Variants in SMURF1 observed in about 807,000 individuals in gnomAD.
The protein encoded by SMURF1 is SMAD specific E3 ubiquitin protein ligase 1, also known as E3 ubiquitin-protein ligase SMURF1.
In SMURF1, 44 loss-of-function variants were observed where a neutral mutation model predicts 98.0. That is an observed-to-expected ratio of 0.45 (90% CI 0.35 to 0.58). The LOEUF is 0.58. SMURF1 is among the 20% of genes least tolerant of loss of function. The probability of loss-of-function intolerance (pLI) is 0.00; values close to 1 mark genes in which losing one functional copy is unlikely to be tolerated. For missense variants in SMURF1, 687 were observed against 938.4 expected (o/e 0.73, Z 3.50); for synonymous variants, 396 against 374.9 (o/e 1.06, Z -0.65).
intron 14 of SMURF1, among the ~76,000 whole-genome samples, chr7:99,037,597 T>G (rs1019403749): frequency 6.6e-6 from 1 of 152,102 alleles, no homozygotes; most frequent in Admixed American, 6.5e-5. Context: ...AGCCCCCCAC[T>G]CCCCGGATCT....
At chr7:99,045,130 C>A (rs906942041) in intron 11 of SMURF1, among the ~76,000 whole-genome samples, 1 of 151,954 alleles carries the variant, frequency 6.6e-6, no homozygotes, top group Admixed American at 6.6e-5. Context: ...CAGAGCAAGA[C>A]CCCGTCTCAA....
chr7:99,095,680 C>T (rs1462571696), intron 1 of SMURF1, among the ~76,000 whole-genome samples: 1 of 152,152 alleles, frequency 6.6e-6, no homozygotes, highest in African/African-American at 2.4e-5. Flanking sequence ...GGACTAGGTA[C>T]TCGAAGTTAA....
chr7:99,101,175 G>A (rs1178952957), intron 1 of SMURF1, among the ~76,000 whole-genome samples: 2 of 152,066 alleles, frequency 1.3e-5, no homozygotes, highest in African/African-American at 2.4e-5. Context: ...TCCCATCCCC[G>A]GCCTGGGCAA....
chr7:99,052,449 G>C lies in SMURF1; in HGVS notation c.480-3C>G, dbSNP rs1253431500. 6.5e-7 allele frequency: 1 copy of C among 1,532,944 alleles called. No individual in the cohort carries two copies. The highest frequency in any genetic ancestry group is 8.8e-7 in the Non-Finnish European group (1 of 1,137,218). The allele number at this position is 1,532,944 out of a possible 1,614,324, so 95.0% of individuals were successfully genotyped here. A position where few individuals can be genotyped will look rare whatever the true frequency, so the allele number is the denominator to read the frequency against. ...GCCCGGAGTCTTCATACACCGTTCT[G>C]AAAGGGACGAGAGCAGGCAGGCATG... is the stretch of plus-strand genomic sequence containing the variant. On this transcript the variant is annotated splice_polypyrimidine_tract_variant and splice_region_variant and intron_variant, in intron 6 of 17. Transcript: ENST00000361368.
At chr7:99,141,406 A>T (rs1798115505) in intron 1 of SMURF1, among the ~76,000 whole-genome samples, 1 of 152,260 alleles carries the variant, frequency 6.6e-6, no homozygotes, top group South Asian at 2.1e-4. Flanking sequence ...AACCAATCTG[A>T]TGTCAATTAC....
chr7:99,061,901 A>G (rs1404559061), intron 1 of SMURF1, 64 bp from the exon 2 acceptor site: 2 of 1,225,832 alleles, frequency 1.6e-6, no homozygotes, highest in South Asian at 1.4e-5. Flanking sequence ...TAGCTAATCT[A>G]TATTTACACC....
chr7:99,132,183 A>C (rs1294797736), intron 1 of SMURF1, among the ~76,000 whole-genome samples: 6 of 152,184 alleles, frequency 3.9e-5, no homozygotes, highest in African/African-American at 1.4e-4. Flanking sequence ...GGCTGACAAC[A>C]ACCTGTAATT....
intron 1 of SMURF1, among the ~76,000 whole-genome samples, chr7:99,136,925 G>A (rs1798006042): frequency 6.6e-6 from 1 of 152,150 alleles, no homozygotes; most frequent in African/African-American, 2.4e-5. Context: ...ACCCCAGTCT[G>A]GGTAACAGAG....
At position 99,045,623 on chromosome 7, in the gene SMURF1, G is replaced by A. The variant is rs944118096; in HGVS notation, c.1256+75C>T. 8.7e-6 allele frequency: 11 copies of A among 1,269,106 alleles called. No individual in the cohort carries two copies. In the South Asian group the frequency reaches 9.9e-5, roughly 11 times the overall value. 78.6% of individuals were successfully genotyped at this position (1,269,106 alleles called of 1,614,324 possible). A position where few individuals can be genotyped will look rare whatever the true frequency, so the allele number is the denominator to read the frequency against. ...CCAGGAGTGCTTGGTGATGAGCACT[G>A]GAGAAGGGCAAATGACTTCTCTTGA... On this transcript the variant is annotated intron_variant, in intron 11 of 17. Transcript: ENST00000361368.
intron 1 of SMURF1, among the ~76,000 whole-genome samples, chr7:99,091,076 G>A (rs1489159187): frequency 6.6e-6 from 1 of 152,196 alleles, no homozygotes; most frequent in Non-Finnish European, 1.5e-5. Flanking sequence ...GGCCTGCAAA[G>A]CATAAAATAT....
intron 3 of SMURF1, among the ~76,000 whole-genome samples, chr7:99,059,250 TA>T (rs1398999267): frequency 1.3e-5 from 2 of 148,760 alleles, no homozygotes; most frequent in Non-Finnish European, 3.0e-5. Context: ...CTACAAAAAA[TA>T]GCCGGGCGTA....
chr7:99,038,640 CG>C, intron 13 of SMURF1, 115 bp from the exon 14 acceptor site: 1 of 1,260,746 alleles, frequency 7.9e-7, no homozygotes, highest in Middle Eastern at 2.0e-4. Flanking sequence ...AGGACAGCCT[CG>C]GGCAGACACA....
chr7:99,070,065 C>T (rs116534689), intron 1 of SMURF1, among the ~76,000 whole-genome samples: 44 of 152,320 alleles, frequency 2.9e-4, no homozygotes, highest in African/African-American at 1.0e-3. Context: ...TGTTACAGTT[C>T]ATCTTCTACA....
intron 1 of SMURF1, among the ~76,000 whole-genome samples, chr7:99,100,509 G>A (rs778346518): frequency 1.3e-4 from 20 of 152,054 alleles, no homozygotes; most frequent in Non-Finnish European, 2.4e-4. Flanking sequence ...AGCCAAGATC[G>A]CACCACTTCA....
intron 1 of SMURF1, among the ~76,000 whole-genome samples, chr7:99,089,824 T>G (rs1796771121): frequency 6.6e-6 from 1 of 152,196 alleles, no homozygotes; most frequent in Non-Finnish European, 1.5e-5. Context: ...CTGTTACTTA[T>G]CTTGGATTAA....
At chr7:99,082,952 T>C (rs531000015) in intron 1 of SMURF1, among the ~76,000 whole-genome samples, 121 of 152,194 alleles carry the variant, frequency 8.0e-4, no homozygotes, top group Non-Finnish European at 1.4e-3. Flanking sequence ...ACTTCTTTCA[T>C]TGAATTTACT....
At chr7:99,063,281 A>T (rs374586792) in intron 1 of SMURF1, among the ~76,000 whole-genome samples, 1,152 of 18,720 alleles carry the variant, frequency 0.062, 87 homozygotes, top group Non-Finnish European at 0.13. Context: ...ATATATATAT[A>T]TATATATATA....
intron 1 of SMURF1, among the ~76,000 whole-genome samples, chr7:99,089,179 G>A (rs1371427670): frequency 6.6e-6 from 1 of 151,224 alleles, no homozygotes; most frequent in African/African-American, 2.4e-5. Flanking sequence ...ACTCCAGCCT[G>A]GTGACCTAGT....
chr7:99,142,918 C>G (rs1389067425), intron 1 of SMURF1, among the ~76,000 whole-genome samples: 1 of 103,162 alleles, frequency 9.7e-6, no homozygotes, highest in Non-Finnish European at 1.9e-5. Context: ...GGATGGGAAG[C>G]GAGGAGAAGG....
Sources: gnomAD v4.1 joint callset for allele counts (sites outside exome capture counted in the v4.1 genomes callset) on GRCh38, gnomAD v4.1.1 for gene constraint, MANE v1.5 for transcripts, NCBI Gene and HGNC (gene_info 2026-07-23, HGNC 2026-07-21) for gene names.